Variants in HNF4G observed in about 807,000 individuals in gnomAD.
The protein encoded by HNF4G is hepatocyte nuclear factor 4 gamma, also known as hepatocyte nuclear factor 4-gamma.
In HNF4G, 21 loss-of-function variants were observed where a neutral mutation model predicts 50.9. The ratio of observed to expected loss-of-function variants is 0.41; its 90% CI spans 0.29 to 0.59. The LOEUF is 0.59. HNF4G is among the 20% of genes least tolerant of loss of function. The probability of loss-of-function intolerance (pLI) is 0.26; values close to 1 mark genes in which losing one functional copy is unlikely to be tolerated. For synonymous variants in HNF4G, 198 were observed against 185.6 expected (o/e 1.07, Z -0.54); for missense variants, 527 against 559.4 (o/e 0.94, Z 0.58).
chr8:75,493,057 A>G (rs577194493), intron 2 of HNF4G, among the ~76,000 whole-genome samples: 1 of 152,086 alleles, frequency 6.6e-6, no homozygotes, highest in Non-Finnish European at 1.5e-5. Context: ...ATAAATATGT[A>G]TGTAGTCATA....
intron 2 of HNF4G, among the ~76,000 whole-genome samples, chr8:75,527,980 C>A (rs1806227070): frequency 6.6e-6 from 1 of 152,136 alleles, no homozygotes; most frequent in Non-Finnish European, 1.5e-5. Context: ...AATTTTTTGT[C>A]TTTCTGAAAT....
At chr8:75,420,730 C>A (rs1810756172) in intron 1 of HNF4G, among the ~76,000 whole-genome samples, 1 of 152,154 alleles carries the variant, frequency 6.6e-6, no homozygotes, top group East Asian at 1.9e-4. Flanking sequence ...ACTGAGTAGA[C>A]CCAGCTGACT....
chr8:75,473,501 T>C (rs1180775527), intron 1 of HNF4G, among the ~76,000 whole-genome samples: 2 of 152,208 alleles, frequency 1.3e-5, no homozygotes, highest in Non-Finnish European at 2.9e-5. Context: ...GGCATGTGAA[T>C]GTTTTGTGGG....
chr8:75,466,242 C>A (rs2130618868), intron 1 of HNF4G, among the ~76,000 whole-genome samples: 1 of 152,158 alleles, frequency 6.6e-6, no homozygotes, highest in Non-Finnish European at 1.5e-5. Flanking sequence ...TTTGTTAATA[C>A]ATTCTGCCTT....
chr8:75,507,013 A>G (rs901160295), intron 2 of HNF4G, among the ~76,000 whole-genome samples: 1 of 152,214 alleles, frequency 6.6e-6, no homozygotes, highest in African/African-American at 2.4e-5. Flanking sequence ...TACGAAAAGA[A>G]CATATATAAT....
At chr8:75,549,596 G>A (rs555015793) in intron 3 of HNF4G, among the ~76,000 whole-genome samples, 128 of 148,326 alleles carry the variant, frequency 8.6e-4, no homozygotes, top group African/African-American at 3.2e-3. Flanking sequence ...CTTCTGGGTA[G>A]TTGTTTTTTT....
At chr8:75,409,168 G>A (rs1810433993) in intron 1 of HNF4G, among the ~76,000 whole-genome samples, 1 of 152,128 alleles carries the variant, frequency 6.6e-6, no homozygotes, top group Non-Finnish European at 1.5e-5. Context: ...GCAAGGAGAG[G>A]GAGGTGGTGG....
chr8:75,538,150 A>G (rs1436676479), upstream of HNF4G, among the ~76,000 whole-genome samples: 2 of 152,180 alleles, frequency 1.3e-5, no homozygotes, highest in Admixed American at 6.5e-5. Context: ...TTCTTACTCT[A>G]TGAAATGAAG....
intron 1 of HNF4G, among the ~76,000 whole-genome samples, chr8:75,430,021 T>C (rs1346637011): frequency 6.6e-6 from 1 of 151,822 alleles, no homozygotes; most frequent in Non-Finnish European, 1.5e-5. Context: ...CATGGTGGCA[T>C]GCGCCTGTAG....
At chr8:75,480,721 C>CTT (rs1336807468) in intron 1 of HNF4G, among the ~76,000 whole-genome samples, 8 of 122,436 alleles carry the variant, frequency 6.5e-5, no homozygotes, top group Non-Finnish European at 9.9e-5. Context: ...CTTTTTCTTT[C>CTT]TTTTTTTTTT....
At chr8:75,497,269 T>C (rs991888794) in intron 2 of HNF4G, among the ~76,000 whole-genome samples, 3 of 152,140 alleles carry the variant, frequency 2.0e-5, no homozygotes, top group Non-Finnish European at 4.4e-5. Context: ...ATCTGATTCC[T>C]TGTAAAAGGA....
intron 9 of HNF4G, 45 bp downstream of exon 9, chr8:75,560,511 C>G: frequency 6.4e-7 from 1 of 1,563,378 alleles, no homozygotes; most frequent in Non-Finnish European, 8.7e-7. Context: ...TCTTAATTAC[C>G]CAAGAAAAAG....
chr8:75,444,862 C>G (rs1314894605), intron 1 of HNF4G, among the ~76,000 whole-genome samples: 12 of 87,526 alleles, frequency 1.4e-4, no homozygotes, highest in Non-Finnish European at 2.3e-4. Flanking sequence ...CAACATTAGA[C>G]AGATCAACGA....
intron 1 of HNF4G, among the ~76,000 whole-genome samples, chr8:75,443,882 A>C (rs1811353555): frequency 6.6e-6 from 1 of 152,200 alleles, no homozygotes; most frequent in Non-Finnish European, 1.5e-5. Flanking sequence ...GTAAGTATAA[A>C]TAAATAAGGG....
chr8:75,441,519 A>G (rs1369154815), intron 1 of HNF4G, among the ~76,000 whole-genome samples: 1 of 152,176 alleles, frequency 6.6e-6, no homozygotes, highest in Non-Finnish European at 1.5e-5. Flanking sequence ...TCCTGGGATT[A>G]CAGATGTGAG....
chr8:75,469,197 C>T (rs1317931184), intron 1 of HNF4G, among the ~76,000 whole-genome samples: 1 of 152,030 alleles, frequency 6.6e-6, no homozygotes, highest in African/African-American at 2.4e-5. Context: ...AGAGAACAAG[C>T]CCAACCATGC....
chr8:75,511,765 T>C (rs1805757914), intron 2 of HNF4G, among the ~76,000 whole-genome samples: 1 of 152,154 alleles, frequency 6.6e-6, no homozygotes, highest in Non-Finnish European at 1.5e-5. Context: ...TAATTTTTTG[T>C]GTTTTTAGTA....
At chr8:75,555,661 G>A (rs2130808419) in intron 5 of HNF4G, among the ~76,000 whole-genome samples, 1 of 151,396 alleles carries the variant, frequency 6.6e-6, no homozygotes, top group African/African-American at 2.4e-5. Context: ...TAAACAGGTA[G>A]TAAGTGGCCG....
In HNF4G at chr8:75,558,674, G is replaced by T. The variant is rs757459984; in HGVS notation, c.886+4G>T. ...GCAATTGTATTTTTTGATCCAGGTTGGTTTTCAAAATTCCACTAGAGAATT... is the reference window on the plus strand; with the variant it reads ...GCAATTGTATTTTTTGATCCAGGTTTGTTTTCAAAATTCCACTAGAGAATT... On this transcript the variant is annotated splice_donor_region_variant and intron_variant, in intron 7 of 9. Coordinates refer to ENST00000396423, the MANE Select transcript of HNF4G (RefSeq NM_004133.5). 2 of 1,607,988 alleles carry T rather than the reference G, an allele frequency of 1.2e-6. No individual in the cohort carries two copies. The highest frequency in any genetic ancestry group is 1.1e-5 in the South Asian group (1 of 89,238).
Sources: gnomAD v4.1 joint callset for allele counts (sites outside exome capture counted in the v4.1 genomes callset) on GRCh38, gnomAD v4.1.1 for gene constraint, MANE v1.5 for transcripts, NCBI Gene and HGNC (gene_info 2026-07-23, HGNC 2026-07-21) for gene names.